The following CAMTA1 variants were observed in gnomAD, a reference collection of about 807,000 sequenced individuals.
CAMTA1 encodes calmodulin-binding transcription activator 1.
CAMTA1 carries 27 observed loss-of-function variants against 170.9 expected under a neutral mutation model. The ratio of observed to expected loss-of-function variants is 0.16; its 90% CI spans 0.12 to 0.22. The LOEUF is 0.22. Ranked by LOEUF, CAMTA1 falls within the 10% of genes least tolerant of loss-of-function variation. The probability of loss-of-function intolerance (pLI) is 1.00; values close to 1 mark genes in which losing one functional copy is unlikely to be tolerated. For missense variants in CAMTA1, 1,619 were observed against 2,217.2 expected, an observed-to-expected ratio of 0.73 and a Z score of 5.42; for synonymous variants, 833 against 891.5, an observed-to-expected ratio of 0.93 and a Z score of 1.17.
In CAMTA1 at chr1:7,249,467, A is replaced by G. The variant is rs1666310045; in HGVS notation, c.303-24A>G. ...TTTTCTTCTACTTGGTACTCTTGGT[A>G]ACTTAACCATTTGTTGTTTCCAGAC... is the stretch of plus-strand genomic sequence containing the variant. On this transcript the variant is annotated intron_variant, in intron 4 of 22. Transcript: ENST00000303635. This position sits in a 1 kb window ranked among gnomAD's most constrained non-coding sequence, Gnocchi z 4.4. The G allele has an allele frequency of 6.2e-7, 1 of 1,602,320 alleles. No homozygotes were observed. Among genetic ancestry groups the G allele is most frequent in the Non-Finnish European group, 8.5e-7 (1 of 1,173,130 alleles).
intron 3 of CAMTA1, among the ~76,000 whole-genome samples, chr1:7,001,656 C>CG (rs2100629790): frequency 6.6e-6 from 1 of 152,306 alleles, no homozygotes; most frequent in East Asian, 1.9e-4. Flanking sequence ...TCAAAGGATG[C>CG]TGGTCTTCAC....
At chr1:7,726,200 TC>T (rs1434264758) in intron 11 of CAMTA1, among the ~76,000 whole-genome samples, 6 of 149,936 alleles carry the variant, frequency 4.0e-5, no homozygotes, top group African/African-American at 1.2e-4. Flanking sequence ...ATTTGATACT[TC>T]CTTGTCTGTC....
chr1:7,713,059 A>G (rs80188792), intron 11 of CAMTA1, among the ~76,000 whole-genome samples: 3,709 of 152,312 alleles, frequency 0.024, 134 homozygotes, highest in African/African-American at 0.083. Flanking sequence ...CAGCCAAACC[A>G]TATCAGGAGA....
At chr1:7,018,935 G>A (rs534283707) in intron 3 of CAMTA1, among the ~76,000 whole-genome samples, 75 of 152,294 alleles carry the variant, frequency 4.9e-4, no homozygotes, top group Non-Finnish European at 8.7e-4. Flanking sequence ...GAGAAGGCCC[G>A]TCTGCAGAGG....
chr1:6,907,489 G>A (rs1243393644), intron 3 of CAMTA1, among the ~76,000 whole-genome samples: 1 of 152,164 alleles, frequency 6.6e-6, no homozygotes, highest in Non-Finnish European at 1.5e-5. Context: ...ATGCTCCTGG[G>A]GGAGTTTCAC....
At chr1:7,399,376 A>G (rs771894188) in intron 5 of CAMTA1, among the ~76,000 whole-genome samples, 1 of 152,220 alleles carries the variant, frequency 6.6e-6, no homozygotes, top group Admixed American at 6.5e-5. Flanking sequence ...TGGTGATGCC[A>G]TGCTTCTAAT....
intron 3 of CAMTA1, among the ~76,000 whole-genome samples, chr1:6,870,177 T>C (rs1241800853): frequency 6.6e-6 from 1 of 152,188 alleles, no homozygotes; most frequent in Non-Finnish European, 1.5e-5. Context: ...GTCTAAATAA[T>C]GATGCTACTA....
chr1:7,602,335 C>T, intron 6 of CAMTA1, among the ~76,000 whole-genome samples: 1 of 151,882 alleles, frequency 6.6e-6, no homozygotes, highest in Non-Finnish European at 1.5e-5. Flanking sequence ...ATTTCAGAGC[C>T]TGTTATTGGT....
intron 4 of CAMTA1, among the ~76,000 whole-genome samples, chr1:7,098,189 G>A (rs1257839921): frequency 6.6e-6 from 1 of 152,184 alleles, no homozygotes; most frequent in East Asian, 1.9e-4. Context: ...CCAGAGTTCG[G>A]AAGGGCAGTT....
intron 22 of CAMTA1, among the ~76,000 whole-genome samples, chr1:7,765,097 T>A (rs1387537791): frequency 6.6e-6 from 1 of 152,248 alleles, no homozygotes; most frequent in Non-Finnish European, 1.5e-5. Context: ...GATCATGCTG[T>A]TGCAGTAGAG....
At chr1:6,889,656 T>C (rs1254538958) in intron 3 of CAMTA1, among the ~76,000 whole-genome samples, 1 of 152,228 alleles carries the variant, frequency 6.6e-6, no homozygotes, top group Non-Finnish European at 1.5e-5. Context: ...CCACTTGTAA[T>C]TCAATGAAGA....
rs924985902 is a variant in CAMTA1, at chr1:7,575,397, C to A, written c.511-65003C>A. Among the ~76,000 whole-genome samples, 3 of 152,164 alleles carry A rather than the reference C, an allele frequency of 2.0e-5. No individual in the cohort carries two copies. The East Asian group carries it at 5.8e-4, about 29-fold the overall frequency. On this transcript the variant is annotated intron_variant, in intron 6 of 22. Transcript: ENST00000303635. ...CAGGGAGGTGGGTCAGACGTCCTCC[C>A]AGAACACAGGCCCCATATCAAGCTA...
At chr1:7,186,617 G>GCAGT (rs1234057973) in intron 4 of CAMTA1, among the ~76,000 whole-genome samples, 2 of 152,200 alleles carry the variant, frequency 1.3e-5, no homozygotes, top group African/African-American at 4.8e-5. Context: ...CTGCAAGTTG[G>GCAGT]CAGTCATTCA....
chr1:7,340,634 A>T (rs2083754900), intron 5 of CAMTA1, among the ~76,000 whole-genome samples: 1 of 140,110 alleles, frequency 7.1e-6, no homozygotes, highest in African/African-American at 2.7e-5. Context: ...GCATTAATTT[A>T]TCTCTCTGAA....
chr1:7,157,717 A>G (rs375021418), intron 4 of CAMTA1, among the ~76,000 whole-genome samples: 2 of 152,182 alleles, frequency 1.3e-5, no homozygotes, highest in African/African-American at 2.4e-5. Flanking sequence ...ATGAAAACAT[A>G]TGTTCACAAA....
At chr1:7,440,713 G>A (rs921377355) in intron 5 of CAMTA1, among the ~76,000 whole-genome samples, 9 of 152,290 alleles carry the variant, frequency 5.9e-5, no homozygotes, top group Admixed American at 3.3e-4. Context: ...CCTGTGGGCC[G>A]AGAAAGACAG....
intron 3 of CAMTA1, among the ~76,000 whole-genome samples, chr1:6,908,246 C>T (rs549622824): frequency 1.3e-5 from 2 of 152,218 alleles, no homozygotes; most frequent in African/African-American, 2.4e-5. Flanking sequence ...CCAAGGCACA[C>T]GCAGAGGGGC....
chr1:7,306,062 T>G (rs1675543217), intron 5 of CAMTA1, among the ~76,000 whole-genome samples: 1 of 152,084 alleles, frequency 6.6e-6, no homozygotes, highest in Non-Finnish European at 1.5e-5. Context: ...TTTTAACTAG[T>G]CTGTAACTTG....
intron 3 of CAMTA1, among the ~76,000 whole-genome samples, chr1:6,942,084 T>TTA (rs1686744150): frequency 6.6e-6 from 1 of 151,694 alleles, no homozygotes; most frequent in Admixed American, 6.6e-5. Flanking sequence ...TTTCTTTTTT[T>TTA]TTTTAAAGAA....
Sources: gnomAD v4.1 joint callset for allele counts (sites outside exome capture counted in the v4.1 genomes callset) on GRCh38, gnomAD v4.1.1 for gene constraint, Gnocchi (gnomAD v3.1) non-coding constraint, MANE v1.5 for transcripts, NCBI Gene and HGNC (gene_info 2026-07-23, HGNC 2026-07-21) for gene names.